Variants in MACROD2 observed in about 807,000 individuals in gnomAD.
MACROD2 encodes ADP-ribose glycohydrolase MACROD2.
In MACROD2, 36 loss-of-function variants were observed where a neutral mutation model predicts 70.4. That is an observed-to-expected ratio of 0.51 (90% CI 0.39 to 0.68). The LOEUF (loss-of-function observed/expected upper bound fraction) is 0.68. MACROD2 is among the 30% of genes least tolerant of loss of function. MACROD2 has a pLI of 0.00. For synonymous variants in MACROD2, 172 were observed against 178.8 expected, an observed-to-expected ratio of 0.96 and a Z score of 0.30; for missense variants, 496 against 538.4, an observed-to-expected ratio of 0.92 and a Z score of 0.78.
At chr20:15,568,533 C>T (rs2048337949) in intron 8 of MACROD2, among the ~76,000 whole-genome samples, 1 of 152,174 alleles carries the variant, frequency 6.6e-6, no homozygotes, top group South Asian at 2.1e-4. Flanking sequence ...AACATAGGGC[C>T]TCTAGGGACT....
intron 3 of MACROD2, among the ~76,000 whole-genome samples, chr20:14,267,997 G>A (rs1345429046): frequency 6.6e-6 from 1 of 151,904 alleles, no homozygotes; most frequent in Non-Finnish European, 1.5e-5. Flanking sequence ...ACATTTTGAT[G>A]AACTGTAACA....
chr20:15,354,139 G>A (rs1256974766), intron 6 of MACROD2, among the ~76,000 whole-genome samples: 1 of 151,716 alleles, frequency 6.6e-6, no homozygotes, highest in East Asian at 1.9e-4. Context: ...AGAAAATGTG[G>A]CACATATACA....
intron 8 of MACROD2, among the ~76,000 whole-genome samples, chr20:15,705,174 A>T (rs906567199): frequency 6.6e-6 from 1 of 152,188 alleles, no homozygotes; most frequent in Non-Finnish European, 1.5e-5. Context: ...ATTCCTCATA[A>T]AAAAATAAAA....
intron 3 of MACROD2, among the ~76,000 whole-genome samples, chr20:14,118,169 C>G (rs566422653): frequency 6.6e-6 from 1 of 152,234 alleles, no homozygotes; most frequent in South Asian, 2.1e-4. Flanking sequence ...GTGGTATTTG[C>G]TACATATATA....
chr20:14,580,066 T>C (rs939668419), intron 4 of MACROD2, among the ~76,000 whole-genome samples: 20 of 152,194 alleles, frequency 1.3e-4, no homozygotes, highest in African/African-American at 4.8e-4. Flanking sequence ...AGTGCCTTGA[T>C]GCTAAGTAGA....
At chr20:15,807,371 A>G (rs1484040882) in intron 8 of MACROD2, among the ~76,000 whole-genome samples, 1 of 152,196 alleles carries the variant, frequency 6.6e-6, no homozygotes, top group Non-Finnish European at 1.5e-5. Flanking sequence ...GGGAAGTTTC[A>G]AAGAAAGAAC....
chr20:15,149,800 G>A (rs569791881), intron 5 of MACROD2, among the ~76,000 whole-genome samples: 2 of 152,138 alleles, frequency 1.3e-5, no homozygotes, highest in Admixed American at 6.5e-5. Flanking sequence ...AATTCTGACT[G>A]CACAGCCCTG....
intron 2 of MACROD2, among the ~76,000 whole-genome samples, chr20:14,069,104 G>A (rs1298042984): frequency 6.6e-6 from 1 of 151,936 alleles, no homozygotes; most frequent in Non-Finnish European, 1.5e-5. Context: ...CCCCGCCATC[G>A]TGCTCAGCTA....
chr20:15,340,396 A>G (rs2078098514), intron 6 of MACROD2, among the ~76,000 whole-genome samples: 2 of 151,858 alleles, frequency 1.3e-5, no homozygotes, highest in Admixed American at 6.6e-5. Flanking sequence ...TCGGACTCCC[A>G]AAGTCCTGAG....
chr20:15,582,691 A>T (rs980601433), intron 8 of MACROD2, among the ~76,000 whole-genome samples: 21 of 152,194 alleles, frequency 1.4e-4, no homozygotes, highest in African/African-American at 5.1e-4. Context: ...CTGTTCATGT[A>T]GGTAGTAGCC....
At chr20:15,475,846 A>T (rs981487045) in intron 7 of MACROD2, among the ~76,000 whole-genome samples, 2 of 152,234 alleles carry the variant, frequency 1.3e-5, no homozygotes, top group African/African-American at 2.4e-5. Context: ...AAAACATTCA[A>T]TCCCACTATT....
chr20:15,883,749 A>G (rs922789119), intron 9 of MACROD2, among the ~76,000 whole-genome samples: 41 of 152,282 alleles, frequency 2.7e-4, no homozygotes, highest in Middle Eastern at 3.4e-3. Context: ...TAATATGTAT[A>G]AAACACATAG....
At chr20:15,193,557 AG>A (rs2095291137) in intron 5 of MACROD2, among the ~76,000 whole-genome samples, 1 of 152,100 alleles carries the variant, frequency 6.6e-6, no homozygotes, top group African/African-American at 2.4e-5. Context: ...CTGAGGTCGG[AG>A]GAACTCTTGA....
chr20:14,712,957 C>T (rs2071355176), intron 5 of MACROD2, among the ~76,000 whole-genome samples: 1 of 151,836 alleles, frequency 6.6e-6, no homozygotes, highest in Non-Finnish European at 1.5e-5. Flanking sequence ...ACAGTAATTT[C>T]CAACATCTTG....
chr20:14,268,962 C>A (rs2082167502), intron 3 of MACROD2, among the ~76,000 whole-genome samples: 2 of 152,118 alleles, frequency 1.3e-5, no homozygotes, highest in African/African-American at 4.8e-5. Flanking sequence ...AGCAATTATC[C>A]TACAATTTGT....
At chr20:14,738,080 A>G (rs1415126079) in intron 5 of MACROD2, among the ~76,000 whole-genome samples, 1 of 79,630 alleles carries the variant, frequency 1.3e-5, no homozygotes, top group Non-Finnish European at 2.4e-5. Context: ...AACATATTCT[A>G]TCAAGTGTTT....
chr20:15,724,901 T>G (rs1474163040), intron 8 of MACROD2, among the ~76,000 whole-genome samples: 7 of 151,992 alleles, frequency 4.6e-5, no homozygotes, highest in Non-Finnish European at 1.0e-4. Context: ...GCTAACACGG[T>G]GAAACCCCAT....
intron 8 of MACROD2, among the ~76,000 whole-genome samples, chr20:15,805,818 G>A (rs1174350627): frequency 1.3e-5 from 2 of 152,222 alleles, no homozygotes; most frequent in Non-Finnish European, 2.9e-5. Flanking sequence ...GAGAATCAGT[G>A]AGGATTGATG....
chr20:15,530,824 A>G (rs2047788622), intron 8 of MACROD2, among the ~76,000 whole-genome samples: 1 of 151,960 alleles, frequency 6.6e-6, no homozygotes, highest in South Asian at 2.1e-4. Context: ...TCCAATTAAT[A>G]TACTCCTGAC....
Sources: allele counts gnomAD v4.1 joint callset (sites outside exome capture counted in the v4.1 genomes callset), GRCh38; gene constraint gnomAD v4.1.1; transcripts MANE v1.5; gene names NCBI Gene and HGNC (gene_info 2026-07-23, HGNC 2026-07-21).